The following TEX15 variants were observed in gnomAD, a reference collection of about 807,000 sequenced individuals.
TEX15 encodes the protein testis expressed 15, meiosis and synapsis associated, also known as testis-expressed protein 15.
Under a neutral mutation model 237.3 loss-of-function variants are expected in TEX15, and 171 were observed. The ratio of observed to expected loss-of-function variants is 0.72; its 90% CI spans 0.64 to 0.82. The LOEUF (loss-of-function observed/expected upper bound fraction) is 0.82. TEX15 is among the 40% of genes least tolerant of loss of function. TEX15 has a pLI of 0.00. For synonymous variants in TEX15, 1,338 were observed against 1,269.8 expected, an observed-to-expected ratio of 1.05 and a Z score of -1.14; for missense variants, 3,750 against 3,646.5, an observed-to-expected ratio of 1.03 and a Z score of -0.73.
chr8:30,867,576 C>A, intron 4 of TEX15, 74 bp from the exon 5 acceptor site: 1 of 825,254 alleles, frequency 1.2e-6, no homozygotes. Flanking sequence ...CATATTTCCA[C>A]TTACCACAGT....
intron 5 of TEX15, among the ~76,000 whole-genome samples, chr8:30,863,245 A>G (rs1168887424): frequency 1.3e-5 from 2 of 152,190 alleles, no homozygotes; most frequent in African/African-American, 2.4e-5. Flanking sequence ...CTTTGAGTGT[A>G]ATGTTGGCAC....
intron 7 of TEX15, among the ~76,000 whole-genome samples, chr8:30,853,684 T>G (rs1329943808): frequency 6.6e-6 from 1 of 152,152 alleles, no homozygotes; most frequent in Non-Finnish European, 1.5e-5. Context: ...GAACCAATCC[T>G]CCCTGACAGA....
In TEX15 at chr8:30,844,191, A is replaced by G; in HGVS notation, c.5976T>C (p.Asn1992=). The change falls in exon 8 of 11, where the codon AAT becomes AAC. Residue 1992 remains asparagine, a synonymous_variant. Transcript: ENST00000643185. The part of the protein sequence containing the change: ...SDFKEKHCSA[N]HTALIANLSQ... Reference sequence around the variant, plus strand: ...ATAGATTAGCTATAAGGGCCGTATGATTAGCTGAGCAATGTTTTTCTTTAA... The same window carrying G: ...ATAGATTAGCTATAAGGGCCGTATGGTTAGCTGAGCAATGTTTTTCTTTAA... 2 of 1,612,160 alleles carry G rather than the reference A, an allele frequency of 1.2e-6. No individual in the cohort carries two copies. The highest frequency in any genetic ancestry group is 8.5e-7 in the Non-Finnish European group (1 of 1,179,238).
At chr8:30,856,017 C>T (rs1807903423) in intron 7 of TEX15, among the ~76,000 whole-genome samples, 1 of 152,056 alleles carries the variant, frequency 6.6e-6, no homozygotes, top group Admixed American at 6.5e-5. Context: ...GCCATCTCGG[C>T]TCACTGCATC....
intron 3 of TEX15, among the ~76,000 whole-genome samples, chr8:30,882,237 T>A (rs908093965): frequency 2.6e-5 from 4 of 152,160 alleles, no homozygotes; most frequent in African/African-American, 9.7e-5. Context: ...TCTTTGGAGA[T>A]TTACTTTTCT....
At position 30,885,681 on chromosome 8, in the gene TEX15, C is replaced by T. The variant is rs904336004; in HGVS notation, c.136+1486G>A. Among the ~76,000 whole-genome samples, 4 of 152,198 alleles carry T rather than the reference C, an allele frequency of 2.6e-5. No individual in the cohort carries two copies. In the East Asian group the frequency reaches 5.8e-4, roughly 22 times the overall value. On this transcript the variant is annotated intron_variant, in intron 3 of 10. Coordinates refer to ENST00000643185, the MANE Select transcript of TEX15 (RefSeq NM_001350162.2). ...GTGTGTGCTTGAGAAGAATGTCTAA[C>T]GTGCTACTGTTGAATGGAATAGTCT...
rs780794300 is a variant in TEX15, at chr8:30,844,810, T to A, written c.5357A>T (p.Asn1786Ile). The change falls in exon 8 of 11, where the codon AAT becomes ATT. Residue 1786 changes from asparagine (N) to isoleucine (I), a missense_variant. Transcript: ENST00000643185. The part of the protein sequence containing the change: ...NCLHTDGNET[N>I]VTENYELDVA... ...ATCCAACTCATAATTCTCAGTGACATTTGTTTCATTCCCATCTGTATGGAG... is the reference window on the plus strand; with the variant it reads ...ATCCAACTCATAATTCTCAGTGACAATTGTTTCATTCCCATCTGTATGGAG... 93 of 1,613,414 alleles carry A rather than the reference T, an allele frequency of 5.8e-5. No homozygotes were observed. The highest frequency in any genetic ancestry group is 4.2e-5 in the Non-Finnish European group (50 of 1,179,584).
intron 3 of TEX15, among the ~76,000 whole-genome samples, chr8:30,880,502 CTCT>C (rs1414251505): frequency 6.6e-6 from 1 of 152,190 alleles, no homozygotes. Context: ...CCAACCCCTC[CTCT>C]TCCTTAGCCT....
rs937760277 is a variant in TEX15, at chr8:30,848,825, T to C, written c.1342A>G (p.Ser448Gly). ...AAAACCTCATTTAAGCCTGCAGTAC[T>C]ACTCTGTTCTCCCATACTTTCTTCT... The part of the protein sequence containing the change: ...RREESMGEQS[S>G]TAGLNEVLQF... The change falls in exon 8 of 11, where the codon AGT (serine) becomes GGT (glycine). Residue 448 changes from serine (S) to glycine (G), a missense_variant. Coordinates refer to ENST00000643185, the MANE Select transcript of TEX15 (RefSeq NM_001350162.2). The C allele has an allele frequency of 3.1e-6, 5 of 1,614,196 alleles. No homozygotes were observed.
chr8:30,835,361 G>A (rs1724186438), intron 10 of TEX15, among the ~76,000 whole-genome samples: 2 of 151,774 alleles, frequency 1.3e-5, no homozygotes, highest in African/African-American at 4.8e-5. Flanking sequence ...TGGGATTACA[G>A]GTGCTCAGCC....
chr8:30,885,686 T>C (rs1420654661), intron 3 of TEX15, among the ~76,000 whole-genome samples: 1 of 152,212 alleles, frequency 6.6e-6, no homozygotes, highest in Non-Finnish European at 1.5e-5. Flanking sequence ...TCTAACGTGC[T>C]ACTGTTGAAT....
At chr8:30,895,676 C>CTTTTTTTTTG (rs1808889333) in intron 2 of TEX15, among the ~76,000 whole-genome samples, 1 of 60,062 alleles carries the variant, frequency 1.7e-5, no homozygotes. Context: ...TAAACACATG[C>CTTTTTTTTTG]TTTTTTTTTT....
chr8:30,887,599 G>T (rs1362083876), intron 2 of TEX15: 1 of 185,620 alleles, frequency 5.4e-6, no homozygotes. Context: ...AGGAGTTTGA[G>T]ACCAGCCTGG....
intron 1 of TEX15, among the ~76,000 whole-genome samples, chr8:30,900,589 T>C (rs1287100636): frequency 6.6e-6 from 1 of 152,204 alleles, no homozygotes; most frequent in East Asian, 1.9e-4. Flanking sequence ...ACAACTGTCA[T>C]GTATAAGAAA....
intron 1 of TEX15, among the ~76,000 whole-genome samples, chr8:30,909,147 CA>C (rs1246044597): frequency 2.2e-4 from 33 of 152,050 alleles, no homozygotes; most frequent in African/African-American, 6.5e-4. Context: ...ACTAGATACT[CA>C]AATCAGTTAT....
At chr8:30,834,453 T>C (rs901750984) in intron 10 of TEX15, among the ~76,000 whole-genome samples, 3 of 150,702 alleles carry the variant, frequency 2.0e-5, no homozygotes, top group Admixed American at 6.7e-5. Flanking sequence ...ATTACAGGCA[T>C]GAGCTACTGC....
chr8:30,912,040 C>A (rs1809230891), intron 1 of TEX15, among the ~76,000 whole-genome samples: 1 of 152,232 alleles, frequency 6.6e-6, no homozygotes, highest in Non-Finnish European at 1.5e-5. Flanking sequence ...CGCCGGGACA[C>A]GCGGCACCGC....
intron 9 of TEX15, 35 bp downstream of exon 9, chr8:30,839,870 AT>A (rs751237680): frequency 5.4e-5 from 82 of 1,504,678 alleles, no homozygotes; most frequent in South Asian, 1.2e-4. Context: ...ATTTTGTTCA[AT>A]TTTTTTTCCA....
intron 1 of TEX15, among the ~76,000 whole-genome samples, chr8:30,906,618 G>A (rs1198525204): frequency 6.6e-6 from 1 of 151,052 alleles, no homozygotes; most frequent in Non-Finnish European, 1.5e-5. Flanking sequence ...AAAAGAGAGA[G>A]AGAACAAGCA....
Sources: gnomAD v4.1 joint callset for allele counts (sites outside exome capture counted in the v4.1 genomes callset) on GRCh38, gnomAD v4.1.1 for gene constraint, MANE v1.5 for transcripts, NCBI Gene and HGNC (gene_info 2026-07-23, HGNC 2026-07-21) for gene names.